Variants in SGK3 observed in about 807,000 individuals in gnomAD.
SGK3 encodes the protein serum/glucocorticoid regulated kinase family member 3.
A neutral mutation model predicts 68.5 loss-of-function variants in SGK3; 47 were observed. The ratio of observed to expected loss-of-function variants is 0.69; its 90% CI spans 0.54 to 0.87. The LOEUF is 0.87. Ranked by LOEUF, SGK3 falls within the 40% of genes least tolerant of loss-of-function variation. The pLI is 0.00. For synonymous variants in SGK3, 181 were observed against 189.1 expected, an observed-to-expected ratio of 0.96 and a Z score of 0.35; for missense variants, 479 against 575.5, an observed-to-expected ratio of 0.83 and a Z score of 1.72.
intron 1 of SGK3, among the ~76,000 whole-genome samples, chr8:66,726,704 G>A (rs1210114824): frequency 6.6e-6 from 1 of 151,574 alleles, no homozygotes; most frequent in Non-Finnish European, 1.5e-5. Context: ...GGAAAGCTGA[G>A]GCGGGAGGAT....
At chr8:66,718,987 G>A (rs1042927671) in intron 1 of SGK3, among the ~76,000 whole-genome samples, 11 of 152,036 alleles carry the variant, frequency 7.2e-5, no homozygotes, top group Non-Finnish European at 2.9e-5. Context: ...TGAGGTGGGA[G>A]GATTGCTTGA....
chr8:66,833,479 C>G (rs1386129103), intron 8 of SGK3, among the ~76,000 whole-genome samples: 2 of 152,134 alleles, frequency 1.3e-5, no homozygotes, highest in African/African-American at 4.8e-5. Context: ...ATTCTTAGCC[C>G]TTTGCATATC....
chr8:66,840,817 C>T (rs1809769155), intron 12 of SGK3: 3 of 324,714 alleles, frequency 9.2e-6, no homozygotes, highest in Non-Finnish European at 1.1e-5. Context: ...TGGCACGCGC[C>T]TGTGGTCCCA....
intron 1 of SGK3, among the ~76,000 whole-genome samples, chr8:66,746,299 T>C (rs1805653752): frequency 6.6e-6 from 1 of 152,242 alleles, no homozygotes; most frequent in African/African-American, 2.4e-5. Context: ...TCTTTTGCAT[T>C]TTCCCTCTTG....
chr8:66,805,692 A>C (rs1167586340), intron 4 of SGK3, among the ~76,000 whole-genome samples: 1 of 152,184 alleles, frequency 6.6e-6, no homozygotes, highest in Non-Finnish European at 1.5e-5. Flanking sequence ...ACAGGGAAAC[A>C]AAAGTCTTCT....
At chr8:66,856,992 C>G (rs531757228) in intron 16 of SGK3, among the ~76,000 whole-genome samples, 2 of 152,134 alleles carry the variant, frequency 1.3e-5, no homozygotes, top group South Asian at 4.2e-4. Flanking sequence ...ACTCAGAAGT[C>G]TGAGGCACAA....
At chr8:66,798,013 T>A (rs1807770609) in intron 2 of SGK3, among the ~76,000 whole-genome samples, 1 of 152,048 alleles carries the variant, frequency 6.6e-6, no homozygotes, top group Non-Finnish European at 1.5e-5. Context: ...GAAACCACTT[T>A]TTTTTTTTTT....
At chr8:66,719,545 C>G (rs116553584) in intron 1 of SGK3, among the ~76,000 whole-genome samples, 4,968 of 152,126 alleles carry the variant, frequency 0.033, 277 homozygotes, top group African/African-American at 0.11. Flanking sequence ...TCTCGAACCC[C>G]TGGACTCAAG....
intron 16 of SGK3, among the ~76,000 whole-genome samples, chr8:66,857,343 T>G (rs759168967): frequency 6.6e-6 from 1 of 152,182 alleles, no homozygotes; most frequent in Non-Finnish European, 1.5e-5. Context: ...ATATCCACTC[T>G]GAATTTCTAT....
intron 6 of SGK3, among the ~76,000 whole-genome samples, chr8:66,827,653 G>A (rs2130687223): frequency 6.6e-6 from 1 of 152,150 alleles, no homozygotes; most frequent in East Asian, 1.9e-4. Context: ...GGATTTTTGA[G>A]TTAAAATTAG....
intron 1 of SGK3, among the ~76,000 whole-genome samples, chr8:66,771,411 T>C (rs1374891141): frequency 6.6e-6 from 1 of 152,244 alleles, no homozygotes; most frequent in Non-Finnish European, 1.5e-5. Flanking sequence ...AAATCAGTTT[T>C]CACTCTTACT....
At chr8:66,828,168 A>G (rs1315852780) in intron 6 of SGK3, among the ~76,000 whole-genome samples, 1 of 152,100 alleles carries the variant, frequency 6.6e-6, no homozygotes, top group Admixed American at 6.5e-5. Flanking sequence ...ACTGCTGTCT[A>G]TGTTTGCTTT....
chr8:66,717,212 AAAAAAAC>A (rs1804659843), intron 1 of SGK3, among the ~76,000 whole-genome samples: 3 of 134,038 alleles, frequency 2.2e-5, no homozygotes, highest in African/African-American at 9.9e-5. Context: ...TATCTGAAAA[AAAAAAAC>A]AAAAAAAACA....
At chr8:66,739,250 A>G (rs548603281) in intron 1 of SGK3, among the ~76,000 whole-genome samples, 2 of 152,200 alleles carry the variant, frequency 1.3e-5, no homozygotes, top group Non-Finnish European at 2.9e-5. Context: ...AAGGGGAAGC[A>G]GACATGTGAA....
intron 8 of SGK3, among the ~76,000 whole-genome samples, chr8:66,834,315 A>G (rs1364477746): frequency 6.6e-6 from 1 of 152,126 alleles, no homozygotes; most frequent in African/African-American, 2.4e-5. Flanking sequence ...AGCTTTATCC[A>G]TGTGATTCTA....
chr8:66,857,788 A>AGTGTGT lies in SGK3; in HGVS notation c.1321-1618_1321-1613dup, dbSNP rs1244850448. On this transcript the variant is annotated intron_variant, in intron 16 of 16. Coordinates refer to ENST00000521198, the MANE Select transcript of SGK3 (RefSeq NM_001033578.3). ...ACAGGATGAGACCCTGTCTCAAAAA[A>AGTGTGT]GTGTGTGTGTATGTGTGTGTGTGTG... Among the ~76,000 whole-genome samples the AGTGTGT allele has an allele frequency of 3.2e-3, 372 of 115,470 alleles. 2 individuals carry two copies. Among genetic ancestry groups the AGTGTGT allele is most frequent in the Admixed American group, 0.014 (159 of 11,182 alleles). 75.8% of individuals were successfully genotyped at this position (115,470 alleles called of 152,430 possible).
In SGK3 at chr8:66,749,493, G is replaced by A. The variant is rs72652800; in HGVS notation, c.-122+36660G>A. On this transcript the variant is annotated intron_variant, in intron 1 of 16. Coordinates refer to ENST00000521198, the MANE Select transcript of SGK3 (RefSeq NM_001033578.3). ...GTTGTTGCTAGTTTTTCGCTAGTAC[G>A]AACATTGACTTCTGGCACACATCTA... is the stretch of plus-strand genomic sequence containing the variant. Among the ~76,000 whole-genome samples the A allele has an allele frequency of 5.5e-3, 830 of 152,228 alleles. 12 individuals carry two copies. Among genetic ancestry groups the A allele is most frequent in the Non-Finnish European group, 7.9e-3 (540 of 67,994 alleles).
chr8:66,765,973 C>T lies in SGK3; in HGVS notation c.-121-27643C>T, dbSNP rs1378109903. 3.3e-5 allele frequency among the ~76,000 whole-genome samples: 5 copies of T among 150,278 alleles called. No homozygotes were observed. In the East Asian group the frequency reaches 7.8e-4, roughly 24 times the overall value. On this transcript the variant is annotated intron_variant, in intron 1 of 16. Transcript: ENST00000521198. ...CTGGGAGGCAGAGCTTTCAGTGAGC[C>T]GAGATGGTGTCACTGCACTCCATCC...
chr8:66,715,685 G>A (rs1008697047), intron 1 of SGK3, among the ~76,000 whole-genome samples: 2 of 152,146 alleles, frequency 1.3e-5, no homozygotes, highest in African/African-American at 2.4e-5. Flanking sequence ...AGCATAAAGG[G>A]TCTTTAAAAA....
Sources: allele counts gnomAD v4.1 joint callset (sites outside exome capture counted in the v4.1 genomes callset), GRCh38; gene constraint gnomAD v4.1.1; transcripts MANE v1.5; gene names NCBI Gene and HGNC (gene_info 2026-07-23, HGNC 2026-07-21).